CTNNA3: variants seen among roughly 807,000 people sequenced by gnomAD.
CTNNA3 encodes the protein catenin alpha 3.
CTNNA3 carries 76 observed loss-of-function variants against 95.7 expected under a neutral mutation model. The ratio of observed to expected loss-of-function variants is 0.79; its 90% CI spans 0.66 to 0.96. The LOEUF (loss-of-function observed/expected upper bound fraction) is 0.96, where lower values mean the gene tolerates loss of function less well. Among genes scored for constraint, CTNNA3 ranks in the 40% least tolerant of loss-of-function variants. The pLI is 0.00. For synonymous variants in CTNNA3, 431 were observed against 374.4 expected (o/e 1.15, Z -1.74); for missense variants, 1,191 against 1,089.8 (o/e 1.09, Z -1.31).
chr10:66,318,579 C>A (rs1300007426), intron 12 of CTNNA3, among the ~76,000 whole-genome samples: 1 of 151,916 alleles, frequency 6.6e-6, no homozygotes, highest in African/African-American at 2.4e-5. Flanking sequence ...ATGCTATTGC[C>A]AAAATCCATG....
At chr10:67,696,275 C>T (rs1840962718), upstream of CTNNA3, 1 of 152,130 alleles carries the variant, frequency 6.6e-6, no homozygotes, top group African/African-American at 2.4e-5. Context: ...ACTGAAAATA[C>T]TTCGTTGAAA....
upstream of CTNNA3, among the ~76,000 whole-genome samples, chr10:67,696,407 G>A (rs1018413243): frequency 2.0e-5 from 3 of 152,112 alleles, no homozygotes; most frequent in Non-Finnish European, 4.4e-5. Flanking sequence ...GCCAAAGGCT[G>A]GAATTATTGA....
chr10:67,621,265 C>G (rs184135457), intron 2 of CTNNA3, among the ~76,000 whole-genome samples: 1 of 152,226 alleles, frequency 6.6e-6, no homozygotes, highest in Admixed American at 6.5e-5. Flanking sequence ...AGAATCTCAA[C>G]AATAACAGGG....
intron 13 of CTNNA3, among the ~76,000 whole-genome samples, chr10:66,142,987 G>A (rs2133884038): frequency 6.6e-6 from 1 of 152,132 alleles, no homozygotes. Flanking sequence ...TTCCAGAATA[G>A]CAATCCATTT....
chr10:67,562,126 C>T (rs1431386130), intron 3 of CTNNA3, among the ~76,000 whole-genome samples: 3 of 152,182 alleles, frequency 2.0e-5, no homozygotes, highest in Non-Finnish European at 2.9e-5. Context: ...GGAATCCTCC[C>T]TAACTCATTT....
intron 7 of CTNNA3, among the ~76,000 whole-genome samples, chr10:67,027,073 C>T (rs1471217248): frequency 6.6e-6 from 1 of 152,168 alleles, no homozygotes. Flanking sequence ...TCTCTGAGAG[C>T]GTAGATTTTT....
intron 13 of CTNNA3, among the ~76,000 whole-genome samples, chr10:66,149,306 G>T (rs752868870): frequency 6.3e-4 from 94 of 149,588 alleles, no homozygotes; most frequent in Non-Finnish European, 8.8e-4. Flanking sequence ...TAAATATAAG[G>T]AATGTTCATT....
At chr10:67,638,383 G>A (rs1254557919) in intron 2 of CTNNA3, among the ~76,000 whole-genome samples, 1 of 152,070 alleles carries the variant, frequency 6.6e-6, no homozygotes. Context: ...CCTATAAAGA[G>A]ACTTAGACTC....
Position 67,720,129 on chromosome 10 carries a change from CTTTTTT to C in CTNNA3, c.-2+43299_-2+43304del, listed in dbSNP as rs58074397. Among the ~76,000 whole-genome samples, 14 of 6,612 alleles carry C rather than the reference CTTTTTT, an allele frequency of 2.1e-3. 2 individuals carry two copies. Among genetic ancestry groups the C allele is most frequent in the South Asian group, 0.013 (2 of 160 alleles). The allele number at this position is 6,612 out of a possible 152,430, so 4.3% of individuals were successfully genotyped here. On this transcript the variant is annotated intron_variant, in intron 1 of 17. Coordinates refer to the CTNNA3 transcript ENST00000684154. ...TCAGAGACTAGGATTGCAACCCCTG[CTTTTTT>C]TTTTTTTTTTTTTTTTTGCTGTCCA... is the stretch of plus-strand genomic sequence containing the variant.
At chr10:66,700,877 A>G (rs770635204) in intron 9 of CTNNA3, among the ~76,000 whole-genome samples, 1 of 152,198 alleles carries the variant, frequency 6.6e-6, no homozygotes, top group Non-Finnish European at 1.5e-5. Flanking sequence ...GGAAGAAAGT[A>G]ATATAATCTG....
intron 3 of CTNNA3, among the ~76,000 whole-genome samples, chr10:67,557,415 C>T (rs1171027886): frequency 6.6e-6 from 1 of 152,280 alleles, no homozygotes; most frequent in Non-Finnish European, 1.5e-5. Context: ...CTCCTTTGTT[C>T]TATCTCTATG....
At chr10:66,332,276 C>T (rs1400884718) in intron 12 of CTNNA3, among the ~76,000 whole-genome samples, 1 of 151,906 alleles carries the variant, frequency 6.6e-6, no homozygotes, top group Admixed American at 6.6e-5. Flanking sequence ...GAGCTCCCAA[C>T]ACTATGTTGA....
intron 13 of CTNNA3, among the ~76,000 whole-genome samples, chr10:66,240,322 G>A (rs2090046728): frequency 6.6e-6 from 1 of 151,916 alleles, no homozygotes; most frequent in Non-Finnish European, 1.5e-5. Context: ...TTATGTAAAC[G>A]GCTCATTTGA....
chr10:66,572,688 C>T (rs1842904910), intron 10 of CTNNA3, among the ~76,000 whole-genome samples: 1 of 152,092 alleles, frequency 6.6e-6, no homozygotes, highest in Non-Finnish European at 1.5e-5. Context: ...GGCCACTTAT[C>T]TCCACATTTA....
Position 67,539,431 on chromosome 10 carries a change from C to T in CTNNA3, c.459+72G>A, listed in dbSNP as rs1840592135. On this transcript the variant is annotated intron_variant, in intron 4 of 17. Transcript: ENST00000433211. ...GAGTGAAGCCAAGATGCACTAGGATCGACGCCAGGTTCAGAGAATGAAATT... is the reference window on the plus strand; with the variant it reads ...GAGTGAAGCCAAGATGCACTAGGATTGACGCCAGGTTCAGAGAATGAAATT... The T allele has an allele frequency of 3.3e-6, 5 of 1,530,716 alleles. No homozygotes were observed. The South Asian group carries it at 3.5e-5, about 11-fold the overall frequency. 94.8% of individuals were successfully genotyped at this position (1,530,716 alleles called of 1,614,324 possible). A position where few individuals can be genotyped will look rare whatever the true frequency, so the allele number is the denominator to read the frequency against.
intron 9 of CTNNA3, among the ~76,000 whole-genome samples, chr10:66,720,229 A>AGAAGGGCTATTCTGAAGGTAAGAAGGT (rs137913376): frequency 0.024 from 3,605 of 152,160 alleles, 180 homozygotes; most frequent in East Asian, 0.22. Context: ...AGAGATAAAT[A>AGAAGGGCTATTCTGAAGGTAAGAAGGT]GAAGGGCTAT....
At chr10:66,262,278 A>G (rs1333717123) in intron 13 of CTNNA3, among the ~76,000 whole-genome samples, 1 of 152,076 alleles carries the variant, frequency 6.6e-6, no homozygotes, top group Non-Finnish European at 1.5e-5. Context: ...TTATGATGCA[A>G]CTTTTACAGC....
chr10:67,742,671 T>C (rs1448082166), intron 1 of CTNNA3, among the ~76,000 whole-genome samples: 4 of 147,468 alleles, frequency 2.7e-5, no homozygotes, highest in African/African-American at 4.9e-5. Flanking sequence ...CTGAAGGAAA[T>C]AGAGACACAA....
intron 15 of CTNNA3, among the ~76,000 whole-genome samples, chr10:66,047,277 C>A (rs1467599407): frequency 6.6e-6 from 1 of 152,094 alleles, no homozygotes; most frequent in East Asian, 1.9e-4. Flanking sequence ...AAGACTAATC[C>A]ACTATGATTA....
Sources: gnomAD v4.1 joint callset for allele counts (sites outside exome capture counted in the v4.1 genomes callset) on GRCh38, gnomAD v4.1.1 for gene constraint, MANE v1.5 for transcripts, NCBI Gene and HGNC (gene_info 2026-07-23, HGNC 2026-07-21) for gene names.